The following SEC13 variants were observed in gnomAD, a reference collection of about 807,000 sequenced individuals.
The protein encoded by SEC13 is SEC13 homolog, nuclear pore and COPII component, also known as protein SEC13 homolog.
A neutral mutation model predicts 49.2 loss-of-function variants in SEC13; 25 were observed. The ratio of observed to expected loss-of-function variants is 0.51; its 90% CI spans 0.37 to 0.71. SEC13 has a LOEUF of 0.71. SEC13 is among the 30% of genes least tolerant of loss of function. SEC13 has a pLI of 0.00. For missense variants in SEC13, 383 were observed against 417.6 expected (o/e 0.92, Z 0.72); for synonymous variants, 148 against 163.9 (o/e 0.90, Z 0.74).
At chr3:10,315,494 G>A (rs1461212806) in intron 2 of SEC13, 58 bp from the exon 3 acceptor site, 10 of 727,422 alleles carry the variant, frequency 1.4e-5, no homozygotes, top group South Asian at 5.1e-5. Context: ...TGGGTGGGGT[G>A]AGGGCTGTCA....
At chr3:10,303,666 G>C (rs950284659) in intron 8 of SEC13, 2 of 331,170 alleles carry the variant, frequency 6.0e-6, no homozygotes, top group African/African-American at 4.2e-5. Flanking sequence ...ATCTTCTTCT[G>C]TTTATGGGTT....
In SEC13 at chr3:10,312,697, A is replaced by G; in HGVS notation, c.198T>C (p.Ala66=). 1 of 1,614,134 alleles carries G rather than the reference A, an allele frequency of 6.2e-7. No individual in the cohort carries two copies. The highest frequency in any genetic ancestry group is 1.1e-5 in the South Asian group (1 of 91,080). The change falls in exon 4 of 9, where the codon GCT becomes GCC. Residue 66 remains alanine, a synonymous_variant. Coordinates refer to ENST00000350697, the MANE Select transcript of SEC13 (RefSeq NM_183352.3). ...CCAGGATGTTGCCGTACATGGGGTG[A>G]GCCCAGGCCACTTGCCACACAGGAC... ...HEGPVWQVAW[A]HPMYGNILAS...
At position 10,305,075 on chromosome 3, in the gene SEC13, G is replaced by A. The variant is rs1181085590; in HGVS notation, c.666C>T (p.Pro222=). The A allele has an allele frequency of 6.2e-7, 1 of 1,614,136 alleles. No homozygotes were observed. The highest frequency in any genetic ancestry group is 8.5e-7 in the Non-Finnish European group (1 of 1,180,032). Residue 222 remains proline, a synonymous_variant, in exon 7 of 9, where the codon CCC becomes CCT. Coordinates refer to ENST00000350697, the MANE Select transcript of SEC13 (RefSeq NM_183352.3). The stretch of plus-strand genomic sequence containing the variant: ...TGGTGCTGGTGGGCAGGCCGATGGA[G>A]GGGGCCCAGGCCACATCTCGAACCC... ...SDWVRDVAWA[P]SIGLPTSTIA...
chr3:10,301,385 G>T lies in SEC13; in HGVS notation c.856-11C>A. On this transcript the variant is annotated splice_polypyrimidine_tract_variant and intron_variant, in intron 8 of 8. Coordinates refer to ENST00000350697, the MANE Select transcript of SEC13 (RefSeq NM_183352.3). ...CTTCCACAGGGTCACCTGCGAGTCA[G>T]TGCACAAGCAGATTATCACGGGTCT... is the stretch of plus-strand genomic sequence containing the variant. 6.2e-7 allele frequency: 1 copy of T among 1,614,140 alleles called. No homozygotes were observed.
chr3:10,312,831 T>C (rs1374387017), intron 3 of SEC13, 101 bp from the exon 4 acceptor site: 8 of 1,198,180 alleles, frequency 6.7e-6, no homozygotes, highest in South Asian at 1.4e-5. Flanking sequence ...CAGGGCAGAA[T>C]TGCTTAAGAA....
intron 8 of SEC13, 70 bp from the exon 9 acceptor site, chr3:10,301,444 C>T (rs1700505718): frequency 4.4e-6 from 7 of 1,584,160 alleles, no homozygotes; most frequent in Non-Finnish European, 6.0e-6. Flanking sequence ...TAAATATGAG[C>T]CTCATCCTCA....
intron 7 of SEC13, among the ~76,000 whole-genome samples, chr3:10,304,654 C>CTGGGAAGGGTGG (rs1559491375): frequency 1.3e-5 from 2 of 151,902 alleles, no homozygotes; most frequent in Non-Finnish European, 2.9e-5. Flanking sequence ...CCTTGGCCGT[C>CTGGGAAGGGTGG]CTTGCTGTCT....
Position 10,304,128 on chromosome 3 carries a change from AT to A in SEC13, c.752del (p.Asn251IlefsTer18). ...TGTGCAACAATTTAGGGGACCACGT[AT>A]TGCTTGAGGCATCATCACAGGTCCA... is the stretch of plus-strand genomic sequence containing the variant. ...FIWTCDDASSNTWSPKLLHKF... is the reference protein window; with the variant it reads ...FIWTCDDASSXTWSPKLLHKF... On this transcript the variant is annotated frameshift_variant, in exon 8 of 9. Coordinates refer to ENST00000350697, the MANE Select transcript of SEC13 (RefSeq NM_183352.3). LOFTEE classifies it high-confidence loss of function. 6.2e-7 allele frequency: 1 copy of A among 1,614,206 alleles called. No individual in the cohort carries two copies. Among genetic ancestry groups the A allele is most frequent in the East Asian group, 2.2e-5 (1 of 44,886 alleles).
At position 10,301,087 on chromosome 3, in the gene SEC13, C is replaced by T. The variant is rs946555523; in HGVS notation, c.*174G>A. The T allele has an allele frequency of 5.6e-6, 9 of 1,612,166 alleles. No homozygotes were observed. The highest frequency in any genetic ancestry group is 7.6e-6 in the Non-Finnish European group (9 of 1,179,762). ...GTGCTTTCAGCTGGACAGTAGATTA[C>T]AAAGCATCTCCGATCACGTTAAGGC... On this transcript the variant is annotated 3_prime_UTR_variant, in exon 9 of 9. Transcript: ENST00000350697.
intron 3 of SEC13, among the ~76,000 whole-genome samples, chr3:10,314,452 A>G (rs944998134): frequency 2.0e-5 from 3 of 152,250 alleles, no homozygotes; most frequent in African/African-American, 7.2e-5. Flanking sequence ...TGTGATGACA[A>G]TATCTGTGAA....
intron 5 of SEC13, among the ~76,000 whole-genome samples, chr3:10,311,148 G>A (rs1701227325): frequency 1.3e-5 from 2 of 152,094 alleles, no homozygotes; most frequent in Admixed American, 6.5e-5. Context: ...ATAAAGATGT[G>A]CATGTTCACT....
chr3:10,312,006 C>G lies in SEC13; in HGVS notation c.409G>C (p.Glu137Gln). 2 of 1,614,198 alleles carry G rather than the reference C, an allele frequency of 1.2e-6. No individual in the cohort carries two copies. Among genetic ancestry groups the G allele is most frequent in the Non-Finnish European group, 1.7e-6 (2 of 1,180,024 alleles). ...GAISLLTYTGEGQWEVKKINN... is the reference protein window; with the variant it reads ...GAISLLTYTGQGQWEVKKINN... ...ATCTTCTTTACTTCCCATTGGCCTTCCCCGGTGTAAGTCAGCAGGGAGATG... is the reference window on the plus strand; with the variant it reads ...ATCTTCTTTACTTCCCATTGGCCTTGCCCGGTGTAAGTCAGCAGGGAGATG... The change falls in exon 5 of 9, where the codon GAA becomes CAA. Residue 137 changes from glutamate (E) to glutamine (Q), a missense_variant. Physicochemically the swap from Glu to Gln is conservative, Grantham distance 29. Coordinates refer to ENST00000350697, the MANE Select transcript of SEC13 (RefSeq NM_183352.3).
At chr3:10,311,883 C>T (rs1236927600) in intron 5 of SEC13, 82 bp downstream of exon 5, 27 of 1,612,410 alleles carry the variant, frequency 1.7e-5, no homozygotes, top group East Asian at 8.9e-5. Flanking sequence ...GGGACCCTCC[C>T]GTGCCACCCT....
chr3:10,306,144 A>C (rs1700861416), intron 5 of SEC13, among the ~76,000 whole-genome samples: 1 of 152,098 alleles, frequency 6.6e-6, no homozygotes, highest in African/African-American at 2.4e-5. Flanking sequence ...TTATCACCCA[A>C]ATGTGCACCC....
rs572756047 is a variant in SEC13, at chr3:10,313,129, G to A, written c.165-399C>T. 9.6e-5 allele frequency: 22 copies of A among 228,746 alleles called. No homozygotes were observed. In the East Asian group the frequency reaches 1.2e-3, roughly 13 times the overall value. The allele number at this position is 228,746 out of a possible 1,614,324, so 14.2% of individuals were successfully genotyped here. The stretch of plus-strand genomic sequence containing the variant: ...GACTGAATTGCTATTCATCCTTCCC[G>A]ACGGTCAGCTTCCTGAGGAGGCATT... On this transcript the variant is annotated intron_variant, in intron 3 of 8. Transcript: ENST00000350697.
chr3:10,306,717 T>G (rs567253638), intron 5 of SEC13, among the ~76,000 whole-genome samples: 1 of 152,188 alleles, frequency 6.6e-6, no homozygotes, highest in Non-Finnish European at 1.5e-5. Flanking sequence ...GCTGTTCTCA[T>G]GATAGTGAAT....
At chr3:10,304,986 C>A (rs774298675) in intron 7 of SEC13, 47 bp downstream of exon 7, 6 of 1,612,736 alleles carry the variant, frequency 3.7e-6, no homozygotes, top group African/African-American at 1.3e-5. Context: ...GCTGATGGGC[C>A]TGACTCGAGA....
At chr3:10,321,000 C>T (rs1574900191) in intron 1 of SEC13, 50 bp downstream of exon 1, 1 of 1,606,452 alleles carries the variant, frequency 6.2e-7, no homozygotes, top group Non-Finnish European at 8.5e-7. Flanking sequence ...CCCGTGAAGG[C>T]CGCGACCGTG....
intron 5 of SEC13, among the ~76,000 whole-genome samples, chr3:10,308,812 T>C (rs796214683): frequency 0.049 from 7,336 of 149,400 alleles, 250 homozygotes; most frequent in African/African-American, 0.12. Context: ...TTTTTTTTTT[T>C]TTAGAGACGG....
Sources: gnomAD v4.1 joint callset for allele counts (sites outside exome capture counted in the v4.1 genomes callset) on GRCh38, gnomAD v4.1.1 for gene constraint, MANE v1.5 for transcripts, NCBI Gene and HGNC (gene_info 2026-07-23, HGNC 2026-07-21) for gene names.